The following HMCN1 variants were observed in gnomAD, a reference collection of about 807,000 sequenced individuals.
The protein encoded by HMCN1 is hemicentin 1.
Under a neutral mutation model 625.9 loss-of-function variants are expected in HMCN1, and 321 were observed. The observed-to-expected ratio is 0.51, with a 90% CI of 0.47 to 0.56. HMCN1 has a LOEUF of 0.56. HMCN1 is among the 20% of genes least tolerant of loss of function. The pLI, the probability that HMCN1 is intolerant of heterozygous loss-of-function variation, is 0.00. For synonymous variants in HMCN1, 2,425 were observed against 2,417.6 expected (o/e 1.00, Z -0.09); for missense variants, 6,588 against 6,887.3 (o/e 0.96, Z 1.54).
chr1:186,027,604 T>C (rs1013856079), intron 36 of HMCN1, among the ~76,000 whole-genome samples: 1 of 152,182 alleles, frequency 6.6e-6, no homozygotes, highest in Admixed American at 6.5e-5. Flanking sequence ...TGTGTGAGGA[T>C]TAAATGAAAG....
intron 67 of HMCN1, among the ~76,000 whole-genome samples, chr1:186,095,004 C>T (rs541781834): frequency 5.9e-5 from 9 of 152,172 alleles, no homozygotes; most frequent in Non-Finnish European, 1.0e-4. Flanking sequence ...AAATTTAAAA[C>T]ACATTGTGCG....
chr1:186,144,624 C>A lies in HMCN1; in HGVS notation c.14187C>A (p.Asp4729Glu). The A allele has an allele frequency of 1.2e-6, 2 of 1,614,084 alleles. No individual in the cohort carries two copies. The highest frequency in any genetic ancestry group is 2.2e-5 in the East Asian group (1 of 44,870). Residue 4729 changes from aspartate to glutamate, a missense_variant, in exon 91 of 107, where the codon GAC (aspartate) becomes GAA (glutamate). By Grantham distance (45) the Asp-to-Glu change is conservative. This residue lies in a region of HMCN1 where 1,954 missense variants were observed against 2,013.1 expected (regional missense o/e 0.97). Coordinates refer to ENST00000271588, the MANE Select transcript of HMCN1 (RefSeq NM_031935.3). ...GACAGAGAACAAGGGGCTGCTCCGA[C>A]CCTGTGCCCCAGTATGGAGGAAGGA... Reference protein sequence around the residue: ...GARQRTRGCSDPVPQYGGRKC... With the variant: ...GARQRTRGCSEPVPQYGGRKC...
At chr1:185,820,857 C>T (rs753431656) in intron 1 of HMCN1, among the ~76,000 whole-genome samples, 17 of 152,216 alleles carry the variant, frequency 1.1e-4, no homozygotes, top group Non-Finnish European at 2.2e-4. Context: ...CCATCTACCT[C>T]TACTGCCTTC....
At chr1:185,808,038 T>C (rs1437427379) in intron 1 of HMCN1, among the ~76,000 whole-genome samples, 1 of 152,038 alleles carries the variant, frequency 6.6e-6, no homozygotes, top group Non-Finnish European at 1.5e-5. Flanking sequence ...CTAGGCAATA[T>C]AGTGGGACCC....
chr1:185,863,088 G>A (rs1662972576), intron 2 of HMCN1, among the ~76,000 whole-genome samples: 1 of 152,174 alleles, frequency 6.6e-6, no homozygotes, highest in African/African-American at 2.4e-5. Flanking sequence ...GTTGGAGCCT[G>A]CTGAAAGACC....
chr1:185,948,397 G>A (rs1022542252), intron 11 of HMCN1, among the ~76,000 whole-genome samples: 3 of 151,386 alleles, frequency 2.0e-5, no homozygotes, highest in Admixed American at 1.3e-4. Context: ...GGGAGATAGG[G>A]GTGGGGCCGT....
Position 185,970,418 on chromosome 1 carries a change from G to A in HMCN1, c.2296G>A (p.Asp766Asn). The A allele has an allele frequency of 6.2e-7, 1 of 1,613,690 alleles. No homozygotes were observed. Among genetic ancestry groups the A allele is most frequent in the Non-Finnish European group, 8.5e-7 (1 of 1,179,614 alleles). Residue 766 changes from aspartate to asparagine, a missense_variant, in exon 15 of 107, where the codon GAT becomes AAT. Asp to Asn is a conservative substitution (Grantham distance 23). Coordinates refer to ENST00000271588, the MANE Select transcript of HMCN1 (RefSeq NM_031935.3). ...LLKIQETQDL[D>N]AGDYTCVAIN... The stretch of plus-strand genomic sequence containing the variant: ...GAAGATTCAAGAAACACAAGATCTG[G>A]ATGCTGGCGATTATACCTGTGTAGC...
intron 2 of HMCN1, among the ~76,000 whole-genome samples, chr1:185,861,837 T>A (rs536753718): frequency 1.3e-5 from 2 of 152,308 alleles, no homozygotes; most frequent in Admixed American, 1.3e-4. Context: ...TCAACCATTG[T>A]GAGATAATAG....
chr1:185,943,624 C>T (rs1232210267), intron 11 of HMCN1, among the ~76,000 whole-genome samples: 1 of 152,232 alleles, frequency 6.6e-6, no homozygotes, highest in Non-Finnish European at 1.5e-5. Flanking sequence ...CCATTACACC[C>T]TCCCAGCACC....
At chr1:185,814,064 T>A (rs1435759428) in intron 1 of HMCN1, among the ~76,000 whole-genome samples, 1 of 152,156 alleles carries the variant, frequency 6.6e-6, no homozygotes, top group East Asian at 1.9e-4. Flanking sequence ...TTCCTCTGAG[T>A]GATAGGAATT....
rs1347976855 is a variant in HMCN1 at position 185,837,997 on chromosome 1, GC to G, written c.269-8028del. On this transcript the variant is annotated intron_variant, in intron 1 of 106. Transcript: ENST00000271588. ...AATTAAGCCAGACTTCAGAGAGCTG[GC>G]ATCTAGAAGAGAAGATCCTCCAGGC... 4.6e-5 allele frequency among the ~76,000 whole-genome samples: 7 copies of G among 152,212 alleles called. 1 individual carries two copies. Among genetic ancestry groups the G allele is most frequent in the African/African-American group, 1.7e-4 (7 of 41,462 alleles).
chr1:186,103,027 T>C (rs982240744), intron 68 of HMCN1, among the ~76,000 whole-genome samples: 2 of 152,190 alleles, frequency 1.3e-5, no homozygotes, highest in Admixed American at 6.5e-5. Flanking sequence ...CCTCTCAAAG[T>C]TCTGCATGGA....
intron 54 of HMCN1, among the ~76,000 whole-genome samples, chr1:186,077,505 C>T (rs778332314): frequency 6.6e-6 from 1 of 152,004 alleles, no homozygotes. Context: ...CTCCAACTTA[C>T]TCTTCAATGG....
intron 1 of HMCN1, among the ~76,000 whole-genome samples, chr1:185,827,226 G>T (rs994592527): frequency 7.1e-6 from 1 of 140,382 alleles, no homozygotes; most frequent in African/African-American, 2.6e-5. Context: ...GAAATGAAGA[G>T]GGAAACCAAA....
At position 186,050,242 on chromosome 1, in the gene HMCN1, T is replaced by C. The variant is rs529779159; in HGVS notation, c.6577+1403T>C. On this transcript the variant is annotated intron_variant, in intron 42 of 106. Coordinates refer to ENST00000271588, the MANE Select transcript of HMCN1 (RefSeq NM_031935.3). Reference sequence around the variant, plus strand: ...TGAGGTGAAGAATTCCTTTTTCATATGCAATATTTGAGGTACCTGTGGACT... The same window carrying C: ...TGAGGTGAAGAATTCCTTTTTCATACGCAATATTTGAGGTACCTGTGGACT... Among the ~76,000 whole-genome samples, 85 of 152,036 alleles carry C rather than the reference T, an allele frequency of 5.6e-4. No individual in the cohort carries two copies. The Middle Eastern group carries it at 0.01, about 18-fold the overall frequency.
At chr1:185,895,200 A>G (rs1220968466) in intron 4 of HMCN1, among the ~76,000 whole-genome samples, 1 of 152,248 alleles carries the variant, frequency 6.6e-6, no homozygotes, top group Admixed American at 6.5e-5. Context: ...GCAACTATCT[A>G]TTTGTAAATA....
At chr1:186,075,706 A>C (rs950075059) in intron 53 of HMCN1, among the ~76,000 whole-genome samples, 1 of 152,164 alleles carries the variant, frequency 6.6e-6, no homozygotes, top group Non-Finnish European at 1.5e-5. Context: ...TATCCAAAAA[A>C]TATTTATTTA....
rs116423321 is a variant in HMCN1 at position 186,128,497 on chromosome 1, G to A, written c.12904+206G>A. Among the ~76,000 whole-genome samples, 167 of 151,974 alleles carry A rather than the reference G, an allele frequency of 1.1e-3. 2 individuals are homozygous for A. Among genetic ancestry groups the A allele is most frequent in the East Asian group, 5.8e-3 (30 of 5,152 alleles). On this transcript the variant is annotated intron_variant, in intron 83 of 106. Transcript: ENST00000271588. Reference sequence around the variant, plus strand: ...TTTGGAAGCATAAGTTGATCACAGGGCCATATATTGCAGGTTATAAGTAGC... The same window carrying A: ...TTTGGAAGCATAAGTTGATCACAGGACCATATATTGCAGGTTATAAGTAGC...
chr1:185,794,136 A>G (rs1308915563), intron 1 of HMCN1, among the ~76,000 whole-genome samples: 1 of 152,152 alleles, frequency 6.6e-6, no homozygotes, highest in Admixed American at 6.5e-5. Context: ...TATTTGATAG[A>G]TTCTTTTGCC....
Sources: allele counts gnomAD v4.1 joint callset (sites outside exome capture counted in the v4.1 genomes callset), GRCh38; gene constraint gnomAD v4.1.1; regional missense constraint gnomAD v4.1.1; transcripts MANE v1.5; gene names NCBI Gene and HGNC (gene_info 2026-07-23, HGNC 2026-07-21).